The following BANK1 variants were observed in gnomAD, a reference collection of about 807,000 sequenced individuals.
The protein encoded by BANK1 is B-cell scaffold protein with ankyrin repeats.
Under a neutral mutation model 94.5 loss-of-function variants are expected in BANK1, and 95 were observed. That is an observed-to-expected ratio of 1.00 (90% CI 0.85 to 1.19). The LOEUF (loss-of-function observed/expected upper bound fraction) is 1.19. Among genes scored for constraint, BANK1 ranks in the 50% most tolerant of loss-of-function variants. The pLI is 0.00. For synonymous variants in BANK1, 334 were observed against 308.4 expected (o/e 1.08, Z -0.87); for missense variants, 987 against 932.2 (o/e 1.06, Z -0.77).
chr4:101,811,098 G>A (rs953035846), intron 1 of BANK1, among the ~76,000 whole-genome samples: 7 of 152,236 alleles, frequency 4.6e-5, no homozygotes, highest in African/African-American at 1.7e-4. Flanking sequence ...GACAGGGTCA[G>A]GACTGTTCCT....
At chr4:101,989,138 C>A (rs1195331691) in intron 7 of BANK1, among the ~76,000 whole-genome samples, 1 of 151,996 alleles carries the variant, frequency 6.6e-6, no homozygotes, top group African/African-American at 2.4e-5. Flanking sequence ...AGCAAGAACC[C>A]CCTGTTTCTT....
rs373405671 is a variant in BANK1, at chr4:102,009,267, C to T, written c.1207-12247C>T. On this transcript the variant is annotated intron_variant, in intron 7 of 16. Coordinates refer to ENST00000322953, the MANE Select transcript of BANK1 (RefSeq NM_017935.5). ...AAAGAACTATACAACTGGGGTTTCC[C>T]CGTGCCCTGTAGGCAGATATCTATT... 2.0e-3 allele frequency among the ~76,000 whole-genome samples: 299 copies of T among 152,294 alleles called. 2 individuals are homozygous for T. Among genetic ancestry groups the T allele is most frequent in the Middle Eastern group, 0.017 (5 of 294 alleles).
intron 7 of BANK1, among the ~76,000 whole-genome samples, chr4:101,947,284 A>AATATATATATATAT (rs36202521): frequency 7.9e-4 from 46 of 58,240 alleles, no homozygotes; most frequent in Non-Finnish European, 1.3e-3. Context: ...AGAAGTTGTA[A>AATATATATATATAT]ATATATATAT....
chr4:101,820,982 G>T (rs776255912), intron 1 of BANK1, among the ~76,000 whole-genome samples: 3 of 151,762 alleles, frequency 2.0e-5, no homozygotes, highest in Non-Finnish European at 2.9e-5. Flanking sequence ...CCTCTGGGTG[G>T]GTCGAATGCC....
intron 13 of BANK1, 121 bp downstream of exon 13, chr4:102,063,259 C>T: frequency 1.2e-6 from 1 of 818,680 alleles, no homozygotes; most frequent in Non-Finnish European, 1.9e-6. Flanking sequence ...GCTGTCTAAC[C>T]TGGAGAGGGT....
At chr4:102,041,612 A>G (rs1442172595) in intron 10 of BANK1, among the ~76,000 whole-genome samples, 1 of 151,858 alleles carries the variant, frequency 6.6e-6, no homozygotes, top group East Asian at 1.9e-4. Context: ...GGTAGAGGGA[A>G]CCTTTAAACT....
chr4:101,852,491 TATATATATATATACAC>T (rs1393579490), intron 2 of BANK1, among the ~76,000 whole-genome samples: 2 of 112,590 alleles, frequency 1.8e-5, no homozygotes, highest in East Asian at 2.5e-4. Flanking sequence ...TATATATATA[TATATATATATATACAC>T]ACACACATAT....
intron 7 of BANK1, among the ~76,000 whole-genome samples, chr4:102,011,370 A>G (rs1726506863): frequency 6.6e-6 from 1 of 152,148 alleles, no homozygotes; most frequent in Non-Finnish European, 1.5e-5. Flanking sequence ...AAGTGACCGA[A>G]ATCTACCTAA....
chr4:102,048,383 G>T (rs1051987373), intron 11 of BANK1, among the ~76,000 whole-genome samples: 1 of 152,050 alleles, frequency 6.6e-6, no homozygotes, highest in Admixed American at 6.6e-5. Flanking sequence ...TAGCTAACAA[G>T]GTTGATTTCA....
chr4:102,051,805 T>C (rs1728056447), intron 11 of BANK1, among the ~76,000 whole-genome samples: 1 of 152,274 alleles, frequency 6.6e-6, no homozygotes, highest in East Asian at 1.9e-4. Context: ...AGGAGGGTAA[T>C]GCTACACTTG....
At chr4:101,974,735 G>T (rs1725067849) in intron 7 of BANK1, among the ~76,000 whole-genome samples, 1 of 151,786 alleles carries the variant, frequency 6.6e-6, no homozygotes, top group Non-Finnish European at 1.5e-5. Flanking sequence ...TATACCTGAT[G>T]TCAGGAGTTC....
rs116520337 is a variant in BANK1, at chr4:102,025,454, G to T, written c.1539G>T (p.Pro513=). 4.3e-6 allele frequency: 7 copies of T among 1,613,918 alleles called. No individual in the cohort carries two copies. Among genetic ancestry groups the T allele is most frequent in the South Asian group, 1.1e-5 (1 of 91,066 alleles). ...TGAGCAGCAGACCTCCTCTCCCCCC[G>T]CCGCGACCTGTAGCTAATGCCTTCC... ...PLMSSRPPLP[P]PRPVANAFQL... is the part of the protein sequence containing the mutation. Residue 513 remains proline (P), a synonymous_variant, in exon 9 of 17, where the codon CCG becomes CCT. Coordinates refer to ENST00000322953, the MANE Select transcript of BANK1 (RefSeq NM_017935.5).
At position 101,986,881 on chromosome 4, in the gene BANK1, G is replaced by A. The variant is rs1171230347; in HGVS notation, c.1207-34633G>A. Among the ~76,000 whole-genome samples the A allele has an allele frequency of 6.8e-3, 372 of 54,664 alleles. 7 individuals carry two copies. Among genetic ancestry groups the A allele is most frequent in the Middle Eastern group, 0.016 (2 of 128 alleles). 35.9% of individuals were successfully genotyped at this position (54,664 alleles called of 152,430 possible). Reference sequence around the variant, plus strand: ...TATATATATATGTGTGTATGTGTGTGTGTGTGTGTGTGTGTGTGTATATAT... The same window carrying A: ...TATATATATATGTGTGTATGTGTGTATGTGTGTGTGTGTGTGTGTATATAT... On this transcript the variant is annotated intron_variant, in intron 7 of 16. Transcript: ENST00000322953.
intron 7 of BANK1, among the ~76,000 whole-genome samples, chr4:101,946,045 G>T (rs1404465457): frequency 1.3e-5 from 2 of 151,936 alleles, no homozygotes; most frequent in Non-Finnish European, 2.9e-5. Context: ...TCTCTCAGAA[G>T]TTTGAACGAA....
intron 6 of BANK1, among the ~76,000 whole-genome samples, chr4:101,914,802 A>T (rs1722777600): frequency 6.6e-6 from 1 of 152,158 alleles, no homozygotes; most frequent in African/African-American, 2.4e-5. Flanking sequence ...ACTGCTTTCA[A>T]GTGCTTAGAA....
chr4:101,945,146 A>G (rs1723886838), intron 7 of BANK1, among the ~76,000 whole-genome samples: 1 of 151,934 alleles, frequency 6.6e-6, no homozygotes, highest in African/African-American at 2.4e-5. Context: ...ATTTTAGTTA[A>G]ATCAAAAGAT....
chr4:102,018,115 TG>T, intron 7 of BANK1, among the ~76,000 whole-genome samples: 1 of 152,316 alleles, frequency 6.6e-6, no homozygotes, highest in Non-Finnish European at 1.5e-5. Context: ...GTTTTGTTTT[TG>T]AAAATGTGTT....
chr4:101,988,461 T>C (rs1435468049), intron 7 of BANK1, among the ~76,000 whole-genome samples: 1 of 152,220 alleles, frequency 6.6e-6, no homozygotes, highest in Non-Finnish European at 1.5e-5. Flanking sequence ...TTGTTGTGAA[T>C]GTTTTGTTCA....
intron 7 of BANK1, among the ~76,000 whole-genome samples, chr4:101,967,361 G>T (rs956251680): frequency 2.0e-5 from 3 of 151,994 alleles, no homozygotes; most frequent in African/African-American, 7.2e-5. Flanking sequence ...CAAGTTTATG[G>T]CTCCAGAATC....
Sources: gnomAD v4.1 joint callset for allele counts (sites outside exome capture counted in the v4.1 genomes callset) on GRCh38, gnomAD v4.1.1 for gene constraint, MANE v1.5 for transcripts, NCBI Gene and HGNC (gene_info 2026-07-23, HGNC 2026-07-21) for gene names.